The following LDLRAD3 variants were observed in gnomAD, a reference collection of about 807,000 sequenced individuals.
LDLRAD3 encodes the protein low density lipoprotein receptor class A domain containing 3.
Under a neutral mutation model 29.4 loss-of-function variants are expected in LDLRAD3, and 20 were observed. That is an observed-to-expected ratio of 0.68 (90% CI 0.48 to 0.99). The LOEUF is 0.99. Among genes scored for constraint, LDLRAD3 ranks in the 50% least tolerant of loss-of-function variants. The pLI, the probability that LDLRAD3 is intolerant of heterozygous loss-of-function variation, is 0.00. For synonymous variants in LDLRAD3, 157 were observed against 192.7 expected (o/e 0.81, Z 1.53); for missense variants, 420 against 454.3 (o/e 0.92, Z 0.69).
At chr11:36,171,557 T>G (rs1854598904) in intron 4 of LDLRAD3, among the ~76,000 whole-genome samples, 1 of 152,006 alleles carries the variant, frequency 6.6e-6, no homozygotes, top group Non-Finnish European at 1.5e-5. Context: ...TAGAATGTGC[T>G]TTCCCCACTT....
chr11:36,100,358 A>C (rs1474388475), intron 4 of LDLRAD3, among the ~76,000 whole-genome samples: 1 of 152,228 alleles, frequency 6.6e-6, no homozygotes, highest in Non-Finnish European at 1.5e-5. Flanking sequence ...TGGACACCAA[A>C]TAGGGAACAA....
chr11:36,195,011 A>G (rs1855011296), intron 4 of LDLRAD3, among the ~76,000 whole-genome samples: 1 of 152,064 alleles, frequency 6.6e-6, no homozygotes, highest in Admixed American at 6.6e-5. Context: ...AAGTTCCTAA[A>G]CCTCTCTGTA....
At chr11:36,072,056 G>A (rs1852913907) in intron 2 of LDLRAD3, among the ~76,000 whole-genome samples, 1 of 152,206 alleles carries the variant, frequency 6.6e-6, no homozygotes, top group African/African-American at 2.4e-5. Flanking sequence ...AAGCAAGGGT[G>A]GTGATATTGT....
At chr11:36,107,930 C>T (rs1160653432) in intron 4 of LDLRAD3, among the ~76,000 whole-genome samples, 1 of 152,126 alleles carries the variant, frequency 6.6e-6, no homozygotes, top group African/African-American at 2.4e-5. Context: ...CTTAAAATGC[C>T]ATCTATTGTA....
intron 4 of LDLRAD3, among the ~76,000 whole-genome samples, chr11:36,176,090 T>C (rs1331956591): frequency 6.6e-6 from 1 of 152,210 alleles, no homozygotes; most frequent in Non-Finnish European, 1.5e-5. Flanking sequence ...TATTGTTGCT[T>C]TAAAGTCTGT....
chr11:36,070,798 C>T (rs1295253726), intron 2 of LDLRAD3, among the ~76,000 whole-genome samples: 1 of 152,156 alleles, frequency 6.6e-6, no homozygotes, highest in Non-Finnish European at 1.5e-5. Context: ...CTCTGCAACA[C>T]TGCCCCAGAG....
rs1851024509 is a variant in LDLRAD3 at position 35,944,182 on chromosome 11, G to GCGGGGCA, written c.46+44_46+45insACGGGGC. On this transcript the variant is annotated intron_variant, in intron 1 of 5. Coordinates refer to ENST00000315571, the MANE Select transcript of LDLRAD3 (RefSeq NM_174902.4). The surrounding 1 kb of genome is among the most constrained non-coding windows in gnomAD (Gnocchi z 4.9). Reference sequence around the variant, plus strand: ...GCGGCCGGCGAACTTCCCGCGGGGCGCGGGGCGCGGGGCGCGGGGCGCAGC... The same window carrying GCGGGGCA: ...GCGGCCGGCGAACTTCCCGCGGGGCGCGGGGCACGGGGCGCGGGGCGCGGGGCGCAGC... The GCGGGGCA allele has an allele frequency of 1.1e-6, 1 of 948,734 alleles. No homozygotes were observed. The highest frequency in any genetic ancestry group is 1.8e-5 in the African/African-American group (1 of 55,664). The allele number at this position is 948,734 out of a possible 1,614,324, so 58.8% of individuals were successfully genotyped here.
intron 1 of LDLRAD3, among the ~76,000 whole-genome samples, chr11:36,017,306 T>C (rs879024337): frequency 6.6e-6 from 1 of 152,204 alleles, no homozygotes. Flanking sequence ...GCCAAAGCTT[T>C]GGCTAACTTT....
At chr11:36,149,328 G>C (rs1161281665) in intron 4 of LDLRAD3, among the ~76,000 whole-genome samples, 1 of 152,322 alleles carries the variant, frequency 6.6e-6, no homozygotes, top group South Asian at 2.1e-4. Context: ...AAGAATAGCG[G>C]TTGGAGAGTT....
At chr11:36,034,704 C>T (rs574212684) in intron 1 of LDLRAD3, among the ~76,000 whole-genome samples, 14 of 152,240 alleles carry the variant, frequency 9.2e-5, no homozygotes, top group Middle Eastern at 3.4e-3. Context: ...TTAGTATCAC[C>T]CCAGTGGTAC....
intron 1 of LDLRAD3, among the ~76,000 whole-genome samples, chr11:36,019,229 A>G (rs1852061456): frequency 6.6e-6 from 1 of 152,196 alleles, no homozygotes; most frequent in Admixed American, 6.5e-5. Flanking sequence ...GGAGCTGATT[A>G]TCGCGGGTGT....
intron 4 of LDLRAD3, among the ~76,000 whole-genome samples, chr11:36,158,457 C>CG (rs1854386365): frequency 6.7e-6 from 1 of 150,362 alleles, no homozygotes; most frequent in African/African-American, 2.5e-5. Flanking sequence ...CCCATCCCCA[C>CG]CCCCTGTTTA....
chr11:36,077,315 T>C (rs1853029627), intron 2 of LDLRAD3, among the ~76,000 whole-genome samples: 1 of 152,214 alleles, frequency 6.6e-6, no homozygotes, highest in Non-Finnish European at 1.5e-5. Flanking sequence ...TCTTCTTATA[T>C]GGAGGGCAGC....
At chr11:36,098,064 T>C (rs1853389202) in intron 3 of LDLRAD3, among the ~76,000 whole-genome samples, 1 of 152,212 alleles carries the variant, frequency 6.6e-6, no homozygotes, top group Non-Finnish European at 1.5e-5. Flanking sequence ...TTGAAAGGCA[T>C]CAATATTCAG....
chr11:36,072,775 C>A (rs550007127), intron 2 of LDLRAD3, among the ~76,000 whole-genome samples: 1 of 152,178 alleles, frequency 6.6e-6, no homozygotes, highest in Non-Finnish European at 1.5e-5. Context: ...TGTGGACTGC[C>A]TGTGTGCCCC....
intron 1 of LDLRAD3, among the ~76,000 whole-genome samples, chr11:36,011,505 T>C (rs1207760744): frequency 6.6e-6 from 1 of 152,190 alleles, no homozygotes; most frequent in African/African-American, 2.4e-5. Flanking sequence ...TAGATTTGGG[T>C]GGTCCTTCAA....
chr11:36,009,718 A>G (rs917553358), intron 1 of LDLRAD3, among the ~76,000 whole-genome samples: 6 of 152,234 alleles, frequency 3.9e-5, no homozygotes, highest in African/African-American at 1.4e-4. Flanking sequence ...CATGCAGAAA[A>G]TTCTATGAGT....
intron 1 of LDLRAD3, among the ~76,000 whole-genome samples, chr11:36,018,913 GGTTT>G (rs1398319296): frequency 6.6e-6 from 1 of 151,116 alleles, no homozygotes; most frequent in East Asian, 1.9e-4. Context: ...TTTTTTTCTT[GGTTT>G]GTTTGCAGTT....
intron 2 of LDLRAD3, among the ~76,000 whole-genome samples, chr11:36,047,818 C>T (rs1285854067): frequency 3.3e-5 from 5 of 152,160 alleles, no homozygotes; most frequent in Non-Finnish European, 5.9e-5. Context: ...CTTGAAACCC[C>T]TTCAAACAGC....
Sources: gnomAD v4.1 joint callset for allele counts (sites outside exome capture counted in the v4.1 genomes callset) on GRCh38, gnomAD v4.1.1 for gene constraint, Gnocchi (gnomAD v3.1) non-coding constraint, MANE v1.5 for transcripts, NCBI Gene and HGNC (gene_info 2026-07-23, HGNC 2026-07-21) for gene names.